Variants in SDK1 observed in about 807,000 individuals in gnomAD.
SDK1 encodes protein sidekick-1.
Under a neutral mutation model 245.5 loss-of-function variants are expected in SDK1, and 157 were observed. The observed-to-expected ratio is 0.64, with a 90% CI of 0.56 to 0.73. The LOEUF is 0.73. Ranked by LOEUF, SDK1 falls within the 30% of genes least tolerant of loss-of-function variation. SDK1 has a pLI of 0.00. For missense variants in SDK1, 3,583 were observed against 3,002.3 expected, an observed-to-expected ratio of 1.19 and a Z score of -4.52; for synonymous variants, 1,647 against 1,278.5, an observed-to-expected ratio of 1.29 and a Z score of -6.15.
intron 1 of SDK1, among the ~76,000 whole-genome samples, chr7:3,492,727 T>C (rs1781901648): frequency 6.6e-6 from 1 of 152,166 alleles, no homozygotes; most frequent in Non-Finnish European, 1.5e-5. Context: ...GACAACCTGT[T>C]AAGTTTGTAA....
intron 4 of SDK1, among the ~76,000 whole-genome samples, chr7:3,697,616 A>C (rs894938134): frequency 1.3e-5 from 2 of 152,056 alleles, no homozygotes; most frequent in Non-Finnish European, 1.5e-5. Flanking sequence ...TTCATCCCCA[A>C]ATCTGAATTT....
intron 27 of SDK1, among the ~76,000 whole-genome samples, chr7:4,131,848 G>T (rs1366669221): frequency 3.3e-5 from 1 of 29,952 alleles, no homozygotes; most frequent in Non-Finnish European, 7.9e-5. Flanking sequence ...GGATACACAT[G>T]TTATTTCATC....
At chr7:4,244,112 C>A (rs77562169) in intron 43 of SDK1, among the ~76,000 whole-genome samples, 12,189 of 152,206 alleles carry the variant, frequency 0.08, 547 homozygotes, top group Non-Finnish European at 0.1. Flanking sequence ...GAGACAACAC[C>A]CACGACACAA....
chr7:3,696,200 C>T (rs935266753), intron 4 of SDK1, among the ~76,000 whole-genome samples: 5 of 152,120 alleles, frequency 3.3e-5, no homozygotes, highest in African/African-American at 1.2e-4. Flanking sequence ...CCACTCTCTC[C>T]ACTGTGAGAC....
intron 5 of SDK1, among the ~76,000 whole-genome samples, chr7:3,929,022 T>C (rs1467683854): frequency 1.3e-5 from 2 of 152,242 alleles, no homozygotes; most frequent in Non-Finnish European, 2.9e-5. Context: ...TTTCTCAGTG[T>C]CACCAGAGGA....
Position 4,011,065 on chromosome 7 carries a change from G to T in SDK1, c.2231G>T (p.Cys744Phe). ...TPARTYQFRV[C>F]AVNEVGRGQY... Reference sequence around the variant, plus strand: ...GCTCGTACCTATCAATTCCGGGTGTGCGCGGTGAATGAAGTGGGCAGGGGC... The same window carrying T: ...GCTCGTACCTATCAATTCCGGGTGTTCGCGGTGAATGAAGTGGGCAGGGGC... Residue 744 changes from cysteine to phenylalanine, a missense_variant, in exon 15 of 45, where the codon TGC (cysteine) becomes TTC (phenylalanine). By Grantham distance (205) the Cys-to-Phe change is radical. Transcript: ENST00000404826. The T allele has an allele frequency of 6.2e-7, 1 of 1,614,146 alleles. No homozygotes were observed. The highest frequency in any genetic ancestry group is 8.5e-7 in the Non-Finnish European group (1 of 1,180,030).
chr7:3,327,778 G>C (rs910116019), intron 1 of SDK1, among the ~76,000 whole-genome samples: 1 of 152,108 alleles, frequency 6.6e-6, no homozygotes, highest in Non-Finnish European at 1.5e-5. Context: ...TGCAGAAATA[G>C]TAATGTGTTT....
At chr7:4,125,160 A>T (rs1256163515) in intron 25 of SDK1, among the ~76,000 whole-genome samples, 1 of 146,016 alleles carries the variant, frequency 6.8e-6, no homozygotes, top group Non-Finnish European at 1.5e-5. Flanking sequence ...TTATGGATGG[A>T]TGGATGGGTG....
intron 4 of SDK1, among the ~76,000 whole-genome samples, chr7:3,683,671 G>C (rs535030297): frequency 3.9e-5 from 6 of 152,362 alleles, no homozygotes; most frequent in African/African-American, 1.4e-4. Flanking sequence ...TCTGGAGGGT[G>C]AAAGGAGAGG....
Position 4,267,631 on chromosome 7 carries a change from A to G in SDK1, c.*2247A>G, listed in dbSNP as rs1311965167. The G allele has an allele frequency of 1.0e-5, 10 of 985,346 alleles. No individual in the cohort carries two copies. Among genetic ancestry groups the G allele is most frequent in the African/African-American group, 1.7e-5 (1 of 57,250 alleles). The allele number at this position is 985,346 out of a possible 1,614,324, so 61.0% of individuals were successfully genotyped here. A position where few individuals can be genotyped will look rare whatever the true frequency, so the allele number is the denominator to read the frequency against. ...ATGACTGCTCTCTGCAGCCATGAGG[A>G]TGTGGCTTTACATGCCAGGGAGAGT... On this transcript the variant is annotated 3_prime_UTR_variant, in exon 45 of 45. Coordinates refer to ENST00000404826, the MANE Select transcript of SDK1 (RefSeq NM_152744.4).
chr7:4,149,085 A>G (rs930630273), intron 29 of SDK1, among the ~76,000 whole-genome samples, 177 bp from the exon 30 acceptor site: 1 of 139,428 alleles, frequency 7.2e-6, no homozygotes, highest in East Asian at 2.1e-4. Flanking sequence ...CAAAACAAAA[A>G]AACAGAGCCT....
At chr7:3,713,378 G>T (rs1006407196) in intron 4 of SDK1, among the ~76,000 whole-genome samples, 1 of 152,132 alleles carries the variant, frequency 6.6e-6, no homozygotes, top group Non-Finnish European at 1.5e-5. Flanking sequence ...AGCCTACAAA[G>T]AACTTAAAAC....
chr7:3,366,797 A>G (rs914989611), intron 1 of SDK1, among the ~76,000 whole-genome samples: 5 of 152,012 alleles, frequency 3.3e-5, no homozygotes, highest in Admixed American at 1.3e-4. Context: ...GTTGGAGTGC[A>G]GTGGCGTGAT....
chr7:3,450,881 G>T (rs1195708494), intron 1 of SDK1, among the ~76,000 whole-genome samples: 1 of 152,166 alleles, frequency 6.6e-6, no homozygotes, highest in South Asian at 2.1e-4. Context: ...GAGAAGGAAT[G>T]GCAGGAGACA....
chr7:3,911,550 C>G (rs1284522642), intron 5 of SDK1, among the ~76,000 whole-genome samples: 1 of 152,182 alleles, frequency 6.6e-6, no homozygotes, highest in Non-Finnish European at 1.5e-5. Flanking sequence ...GGGCTCTGCC[C>G]TCCTGATCCA....
intron 5 of SDK1, among the ~76,000 whole-genome samples, chr7:3,885,510 G>A (rs1781316562): frequency 1.3e-5 from 2 of 152,234 alleles, no homozygotes; most frequent in South Asian, 2.1e-4. Context: ...ACCCACCATG[G>A]CTTTGTCCTA....
chr7:3,575,330 G>A (rs1054713123), intron 1 of SDK1, among the ~76,000 whole-genome samples: 1 of 151,966 alleles, frequency 6.6e-6, no homozygotes, highest in African/African-American at 2.4e-5. Context: ...ATTCCATCAT[G>A]AGGGCCCCTC....
chr7:3,566,027 C>A (rs1333786304), intron 1 of SDK1, among the ~76,000 whole-genome samples: 1 of 151,810 alleles, frequency 6.6e-6, no homozygotes, highest in Non-Finnish European at 1.5e-5. Flanking sequence ...AATATAATAT[C>A]TATGAATTAA....
chr7:4,028,046 G>T (rs1787496286), intron 17 of SDK1, among the ~76,000 whole-genome samples: 1 of 151,680 alleles, frequency 6.6e-6, no homozygotes, highest in African/African-American at 2.4e-5. Context: ...GGAAGGAAGG[G>T]AGGAGAAAAT....
Sources: gnomAD v4.1 joint callset for allele counts (sites outside exome capture counted in the v4.1 genomes callset) on GRCh38, gnomAD v4.1.1 for gene constraint, MANE v1.5 for transcripts, NCBI Gene and HGNC (gene_info 2026-07-23, HGNC 2026-07-21) for gene names.